The following FAS variants were observed in gnomAD, a reference collection of about 807,000 sequenced individuals.
FAS encodes the protein Fas cell surface death receptor, also known as tumor necrosis factor receptor superfamily member 6.
In FAS, 5 loss-of-function variants were observed where a neutral mutation model predicts 33.2. The observed-to-expected ratio is 0.15, with a 90% CI of 0.08 to 0.32. The LOEUF (loss-of-function observed/expected upper bound fraction) is 0.32, where lower values mean the gene tolerates loss of function less well. FAS is among the 10% of genes least tolerant of loss of function. FAS has a pLI of 1.00. For synonymous variants in FAS, 131 were observed against 130.7 expected (o/e 1.00, Z -0.01); for missense variants, 339 against 386.0 (o/e 0.88, Z 1.02).
chr10:88,970,561 C>T (rs1199581523), intron 1 of FAS, among the ~76,000 whole-genome samples: 2 of 152,160 alleles, frequency 1.3e-5, no homozygotes, highest in Non-Finnish European at 2.9e-5. Flanking sequence ...AACCAGAATA[C>T]TAAAATTGCA....
At chr10:88,978,753 T>C (rs1315337932) in intron 2 of FAS, among the ~76,000 whole-genome samples, 2 of 152,184 alleles carry the variant, frequency 1.3e-5, no homozygotes, top group Admixed American at 1.3e-4. Flanking sequence ...TTTATTAAAA[T>C]GAATCCTCTC....
At chr10:88,991,345 C>T (rs777685155) in intron 1 of FAS, 5 of 311,212 alleles carry the variant, frequency 1.6e-5, no homozygotes, top group Admixed American at 1.4e-4. Context: ...AGGTCCGCTC[C>T]GGCGCGGGTG....
Position 89,015,860 on chromosome 10 carries a change from T to A in FAS, c.*1410T>A, listed in dbSNP as rs531106476. The A allele has an allele frequency of 2.7e-5, 11 of 403,324 alleles. No homozygotes were observed. The highest frequency in any genetic ancestry group is 5.1e-5 in the Non-Finnish European group (11 of 214,382). The allele number at this position is 403,324 out of a possible 1,614,324, so 25.0% of individuals were successfully genotyped here. ...CCTTTTCTCTAACTGATGCTAAATATAACTTGTCTTTAATGCTTCTTGGAT... is the reference window on the plus strand; with the variant it reads ...CCTTTTCTCTAACTGATGCTAAATAAAACTTGTCTTTAATGCTTCTTGGAT... On this transcript the variant is annotated 3_prime_UTR_variant, in exon 9 of 9. Coordinates refer to ENST00000652046, the MANE Select transcript of FAS (RefSeq NM_000043.6).
chr10:88,976,349 T>TAATAATTA (rs1846563749), intron 2 of FAS, among the ~76,000 whole-genome samples: 1 of 152,210 alleles, frequency 6.6e-6, no homozygotes, highest in Non-Finnish European at 1.5e-5. Context: ...ATATAATTAA[T>TAATAATTA]ATATTGATAT....
intron 2 of FAS, among the ~76,000 whole-genome samples, chr10:89,006,252 T>C (rs1441237658): frequency 6.6e-6 from 1 of 152,202 alleles, no homozygotes; most frequent in Non-Finnish European, 1.5e-5. Context: ...TGGGTTCTGT[T>C]TTCTTTAAAT....
intron 4 of FAS, 110 bp downstream of exon 4, chr10:89,009,107 T>C: frequency 9.4e-7 from 1 of 1,067,026 alleles, no homozygotes; most frequent in South Asian, 1.3e-5. Flanking sequence ...CTAGTCCTGC[T>C]TTGCCTCCAA....
chr10:88,965,477 T>A (rs1341585687), intron 1 of FAS, among the ~76,000 whole-genome samples: 1 of 152,178 alleles, frequency 6.6e-6, no homozygotes, highest in South Asian at 2.1e-4. Flanking sequence ...TTAGCACATT[T>A]CAGGATTATT....
intron 2 of FAS, among the ~76,000 whole-genome samples, chr10:89,005,750 G>T (rs548521953): frequency 6.6e-6 from 1 of 152,218 alleles, no homozygotes; most frequent in South Asian, 2.1e-4. Context: ...CAATTCTGCA[G>T]CCTCAGCCTC....
At chr10:88,990,412 C>T (rs1564669028), upstream of FAS, 4 of 449,684 alleles carry the variant, frequency 8.9e-6, no homozygotes, top group Admixed American at 6.1e-5. The surrounding 1 kb of genome is among the most constrained non-coding windows in gnomAD (Gnocchi z 4.9). Context: ...GGCAGGAGGC[C>T]GGCTCTCGAG....
At chr10:88,986,217 T>C (rs1331265758), upstream of FAS, among the ~76,000 whole-genome samples, 1 of 152,186 alleles carries the variant, frequency 6.6e-6, no homozygotes, top group Non-Finnish European at 1.5e-5. Flanking sequence ...TCAACATCTC[T>C]TGAAAAGTGG....
chr10:89,007,591 C>G lies in FAS; in HGVS notation c.197-109C>G, dbSNP rs748409562. On this transcript the variant is annotated intron_variant, in intron 2 of 8. Transcript: ENST00000652046. ...TTTATATCTCATTAGCCTACCCCCC[C>G]TCCCCTTGTGTTTTAGAAGAGTTTT... The G allele has an allele frequency of 2.4e-4, 341 of 1,410,512 alleles. 1 individual carries two copies. The highest frequency in any genetic ancestry group is 1.1e-3 in the Middle Eastern group (5 of 4,408). The allele number at this position is 1,410,512 out of a possible 1,614,324, so 87.4% of individuals were successfully genotyped here.
chr10:88,979,218 G>C (rs185147816), intron 2 of FAS, among the ~76,000 whole-genome samples: 1 of 152,096 alleles, frequency 6.6e-6, no homozygotes, highest in African/African-American at 2.4e-5. Context: ...GGGATCTGGG[G>C]AGGAGAGATA....
chr10:89,003,241 G>A (rs1418420703), intron 2 of FAS, 47 bp downstream of exon 2: 3 of 1,602,806 alleles, frequency 1.9e-6, no homozygotes, highest in African/African-American at 2.7e-5. Context: ...GTCACAGTTA[G>A]GAGTAGCACA....
intron 3 of FAS, 44 bp downstream of exon 3, chr10:89,007,881 T>TA: frequency 6.2e-7 from 1 of 1,612,448 alleles, no homozygotes; most frequent in Non-Finnish European, 8.5e-7. Flanking sequence ...ATCTTGGAAT[T>TA]TCATGTAGAA....
chr10:89,013,552 A>G (rs906439608), intron 8 of FAS, among the ~76,000 whole-genome samples, 185 bp downstream of exon 8: 1 of 152,208 alleles, frequency 6.6e-6, no homozygotes, highest in Admixed American at 6.5e-5. Context: ...ATGAATACTC[A>G]TAGTTAAAAA....
intron 2 of FAS, among the ~76,000 whole-genome samples, chr10:89,005,214 AAG>A (rs1330348310): frequency 6.6e-6 from 1 of 152,094 alleles, no homozygotes; most frequent in African/African-American, 2.4e-5. Flanking sequence ...GAAAAAAAGA[AAG>A]AAATGAAAAA....
At position 88,999,152 on chromosome 10, in the gene FAS, C is replaced by CA. The variant is rs762435847; in HGVS notation, c.31-3870dup. The stretch of plus-strand genomic sequence containing the variant: ...CTGGCAACAGAGCGAGACTCCGTCT[C>CA]AAAAAAATAAATAAATAAATAAAAT... On this transcript the variant is annotated intron_variant, in intron 1 of 8. Transcript: ENST00000652046. 8.0e-3 allele frequency among the ~76,000 whole-genome samples: 805 copies of CA among 100,976 alleles called. 14 individuals carry two copies. Among genetic ancestry groups the CA allele is most frequent in the African/African-American group, 0.027 (752 of 28,136 alleles). 66.2% of individuals were successfully genotyped at this position (100,976 alleles called of 152,430 possible).
intron 1 of FAS, among the ~76,000 whole-genome samples, chr10:88,971,262 G>A (rs1211761003): frequency 6.6e-6 from 1 of 152,194 alleles, no homozygotes; most frequent in South Asian, 2.1e-4. Flanking sequence ...TGAAGTAACA[G>A]ATGATGTATC....
At chr10:88,989,536 A>T (rs1336686873), upstream of FAS, 1 of 543,446 alleles carries the variant, frequency 1.8e-6, no homozygotes, top group Non-Finnish European at 3.6e-6. Context: ...AGTCTACTGA[A>T]AGGTGGAACA....
Sources: allele counts gnomAD v4.1 joint callset (sites outside exome capture counted in the v4.1 genomes callset), GRCh38; gene constraint gnomAD v4.1.1; non-coding constraint Gnocchi (gnomAD v3.1); transcripts MANE v1.5; gene names NCBI Gene and HGNC (gene_info 2026-07-23, HGNC 2026-07-21).